Variants in HMGA2 observed in about 807,000 individuals in gnomAD.
HMGA2 encodes high mobility group AT-hook 2, also known as high mobility group protein HMGI-C.
In HMGA2, 8 loss-of-function variants were observed where a neutral mutation model predicts 19.1. That is an observed-to-expected ratio of 0.42 (90% CI 0.25 to 0.76). The LOEUF (loss-of-function observed/expected upper bound fraction) is 0.76. Ranked by LOEUF, HMGA2 falls within the 30% of genes least tolerant of loss-of-function variation. The probability of loss-of-function intolerance (pLI) is 0.28; values close to 1 mark genes in which losing one functional copy is unlikely to be tolerated. For missense variants in HMGA2, 109 were observed against 136.3 expected, an observed-to-expected ratio of 0.80 and a Z score of 1.00; for synonymous variants, 60 against 48.8, an observed-to-expected ratio of 1.23 and a Z score of -0.96.
chr12:65,951,261 G>A, intron 3 of HMGA2, 122 bp from the exon 4 acceptor site: 1 of 660,666 alleles, frequency 1.5e-6, no homozygotes, highest in Non-Finnish European at 2.6e-6. Flanking sequence ...GGATATACCA[G>A]TTGAACTTTA....
chr12:65,910,443 T>C (rs1225036784), intron 3 of HMGA2, among the ~76,000 whole-genome samples: 1 of 152,254 alleles, frequency 6.6e-6, no homozygotes, highest in African/African-American at 2.4e-5. Flanking sequence ...TAAAAATCTT[T>C]ACACCGTACT....
chr12:65,881,577 G>C, intron 3 of HMGA2: 1 of 600,064 alleles, frequency 1.7e-6, no homozygotes, highest in Non-Finnish European at 3.0e-6. Context: ...ATCCAGTTAT[G>C]ACTGGAACTG....
intron 3 of HMGA2, chr12:65,842,907 G>A (rs1178708429): frequency 4.1e-6 from 5 of 1,207,060 alleles, no homozygotes; most frequent in Non-Finnish European, 5.2e-6. Flanking sequence ...AAGTAATAAA[G>A]TTGTTAACCT....
chr12:65,941,423 A>C (rs887706291), intron 3 of HMGA2, among the ~76,000 whole-genome samples: 1 of 152,188 alleles, frequency 6.6e-6, no homozygotes, highest in Non-Finnish European at 1.5e-5. Flanking sequence ...ATATAAGCTA[A>C]TGTTCGGGAA....
Position 65,825,692 on chromosome 12 carries a change from T to G in HMGA2, c.111+311T>G, listed in dbSNP as rs980296389. On this transcript the variant is annotated intron_variant, in intron 1 of 4. Coordinates refer to ENST00000403681, the MANE Select transcript of HMGA2 (RefSeq NM_003483.6). This position sits in a 1 kb window ranked among gnomAD's most constrained non-coding sequence, Gnocchi z 4.4. ...CCCCGAGTGGCGCGGTGTCGCCCAG[T>G]GACTGGAAGCGACCGGGATCCGACA... Among the ~76,000 whole-genome samples the G allele has an allele frequency of 2.0e-5, 3 of 151,954 alleles. No individual in the cohort carries two copies. Among genetic ancestry groups the G allele is most frequent in the Non-Finnish European group, 4.4e-5 (3 of 67,962 alleles).
chr12:65,829,098 G>C (rs1397102909), intron 2 of HMGA2: 2 of 152,086 alleles, frequency 1.3e-5, no homozygotes, highest in Non-Finnish European at 2.9e-5. Flanking sequence ...TGTTAGAAAG[G>C]ACTATATGCT....
chr12:65,875,614 TTTTTTTTTTTTTTTTTA>T, intron 3 of HMGA2, among the ~76,000 whole-genome samples: 3 of 123,626 alleles, frequency 2.4e-5, no homozygotes, highest in South Asian at 2.8e-4. Flanking sequence ...TTTTTTTTTT[TTTTTTTTTTTTTTTTTA>T]GTAAAGACAA....
intron 3 of HMGA2, among the ~76,000 whole-genome samples, chr12:65,886,422 C>T (rs1873658548): frequency 1.3e-5 from 2 of 150,084 alleles, no homozygotes; most frequent in Non-Finnish European, 3.0e-5. Context: ...TGCAGTGGCG[C>T]AATCTCTGCT....
At chr12:65,867,015 C>T (rs1339191815) in intron 3 of HMGA2, 3 of 453,458 alleles carry the variant, frequency 6.6e-6, no homozygotes, top group African/African-American at 6.0e-5. Flanking sequence ...TTTCTAGTTT[C>T]TAAACACTGC....
At chr12:65,861,816 A>G (rs898201333) in intron 3 of HMGA2, among the ~76,000 whole-genome samples, 4 of 148,880 alleles carry the variant, frequency 2.7e-5, no homozygotes, top group Non-Finnish European at 6.1e-5. Context: ...ATATTTTTGA[A>G]AAAAAAATCC....
At chr12:65,924,857 C>G (rs1875449781) in intron 3 of HMGA2, among the ~76,000 whole-genome samples, 2 of 152,202 alleles carry the variant, frequency 1.3e-5, no homozygotes, top group Admixed American at 1.3e-4. Context: ...TTCCAACTCT[C>G]TCCCAGCCTT....
intron 3 of HMGA2, among the ~76,000 whole-genome samples, chr12:65,895,601 T>C (rs1179732482): frequency 6.6e-6 from 1 of 152,160 alleles, no homozygotes; most frequent in Admixed American, 6.5e-5. Flanking sequence ...AAAAACAATA[T>C]AGGCATGTTA....
rs118126728 is a variant in HMGA2, at chr12:65,835,658, G to T, written c.199-2861G>T. Among the ~76,000 whole-genome samples the T allele has an allele frequency of 7.6e-3, 1,157 of 152,038 alleles. 8 individuals carry two copies. Among genetic ancestry groups the T allele is most frequent in the Non-Finnish European group, 0.012 (802 of 67,974 alleles). On this transcript the variant is annotated intron_variant, in intron 2 of 4. Transcript: ENST00000403681. ...TATTTGCAGGGCTTTTTCTGTTTTT[G>T]AGAGATTTGCTTTCTCTGATTTTGA... is the stretch of plus-strand genomic sequence containing the variant.
intron 3 of HMGA2, among the ~76,000 whole-genome samples, chr12:65,899,817 A>C (rs538368044): frequency 7.9e-5 from 12 of 152,326 alleles, no homozygotes; most frequent in African/African-American, 2.9e-4. Context: ...GCATCTTAGG[A>C]AAGCTGATAT....
intron 3 of HMGA2, among the ~76,000 whole-genome samples, chr12:65,879,485 T>A (rs1345191608): frequency 1.3e-5 from 2 of 152,168 alleles, no homozygotes; most frequent in Non-Finnish European, 2.9e-5. Context: ...ATATAAAGTT[T>A]TTTTCTTCTA....
chr12:65,859,486 A>G (rs1264430032), intron 3 of HMGA2: 2 of 152,208 alleles, frequency 1.3e-5, no homozygotes, highest in Non-Finnish European at 2.9e-5. Flanking sequence ...ATGTAGCCGA[A>G]AGCTCTATTT....
chr12:65,887,160 C>A (rs1350158834), intron 3 of HMGA2, among the ~76,000 whole-genome samples: 2 of 152,154 alleles, frequency 1.3e-5, no homozygotes, highest in African/African-American at 4.8e-5. Context: ...TTTAGTGAGG[C>A]GTTTCAAAGA....
intron 2 of HMGA2, among the ~76,000 whole-genome samples, chr12:65,837,638 T>C (rs1347518426): frequency 6.6e-6 from 1 of 152,170 alleles, no homozygotes; most frequent in Non-Finnish European, 1.5e-5. Flanking sequence ...TGTGTATTGG[T>C]GTGTTGTTGT....
At chr12:65,850,782 G>T (rs1871426764) in intron 3 of HMGA2, among the ~76,000 whole-genome samples, 2 of 152,172 alleles carry the variant, frequency 1.3e-5, no homozygotes, top group South Asian at 4.1e-4. Flanking sequence ...TAATTCACTT[G>T]CAGTCTTGAA....
Sources: allele counts gnomAD v4.1 joint callset (sites outside exome capture counted in the v4.1 genomes callset), GRCh38; gene constraint gnomAD v4.1.1; non-coding constraint Gnocchi (gnomAD v3.1); transcripts MANE v1.5; gene names NCBI Gene and HGNC (gene_info 2026-07-23, HGNC 2026-07-21).